The following KLF8 variants were observed in gnomAD, a reference collection of about 807,000 sequenced individuals.
The protein encoded by KLF8 is KLF transcription factor 8.
In KLF8, 10 loss-of-function variants were observed where a neutral mutation model predicts 18.2. The observed-to-expected ratio is 0.55, with a 90% CI of 0.34 to 0.93. The LOEUF is 0.93. Among genes scored for constraint, KLF8 ranks in the 40% least tolerant of loss-of-function variants. The pLI is 0.02. For synonymous variants in KLF8, 109 were observed against 97.3 expected (o/e 1.12, Z -0.71); for missense variants, 264 against 277.9 (o/e 0.95, Z 0.36).
At chrX:56,018,849 G>T in the KLF8 span, among the ~76,000 whole-genome samples, 365 of 110,672 alleles carry the variant, frequency 3.3e-3, 4 homozygotes, top group African/African-American at 0.012. Context: ...GAAGGAGAGG[G>T]ATGTGTGTGT....
At chrX:56,052,643 G>T in the KLF8 span, among the ~76,000 whole-genome samples, 3 of 111,892 alleles carry the variant, frequency 2.7e-5, no homozygotes, top group African/African-American at 9.7e-5. Flanking sequence ...CTCCAGCTGC[G>T]TGCTGGGAGA....
the KLF8 span, among the ~76,000 whole-genome samples, chrX:56,012,689 G>GA: frequency 9.0e-6 from 1 of 111,083 alleles, no homozygotes; most frequent in Non-Finnish European, 1.9e-5. Flanking sequence ...CCTATATCTT[G>GA]AAAACCCCAT....
the KLF8 span, among the ~76,000 whole-genome samples, chrX:55,972,754 T>C: frequency 2.0e-4 from 22 of 111,815 alleles, no homozygotes; most frequent in African/African-American, 6.8e-4. Flanking sequence ...TACTCATGGA[T>C]AGGAAAAATC....
chrX:55,967,844 G>T, the KLF8 span, among the ~76,000 whole-genome samples: 2 of 111,487 alleles, frequency 1.8e-5, no homozygotes, highest in Non-Finnish European at 3.8e-5. Context: ...AGATATAAAT[G>T]GAAACAAACC....
the KLF8 span, among the ~76,000 whole-genome samples, chrX:55,958,440 T>A: frequency 5.4e-5 from 6 of 112,109 alleles, no homozygotes; most frequent in African/African-American, 1.9e-4. Context: ...AGAAGGACTC[T>A]CAGGCTGTGA....
chrX:56,064,509 A>G, the KLF8 span, among the ~76,000 whole-genome samples: 1 of 111,330 alleles, frequency 9.0e-6, no homozygotes, highest in African/African-American at 3.3e-5. Flanking sequence ...ACCTGCTTAC[A>G]TTCAAGCTTA....
chrX:56,284,676 T>C lies in KLF8; in HGVS notation c.*182T>C. 1 of 341,903 alleles carries C rather than the reference T, an allele frequency of 2.9e-6. No individual in the cohort carries two copies. The highest frequency in any genetic ancestry group is 4.9e-6 in the Non-Finnish European group (1 of 202,354). 28.2% of individuals were successfully genotyped at this position (341,903 alleles called of 1,213,427 possible). A position where few individuals can be genotyped will look rare whatever the true frequency, so the allele number is the denominator to read the frequency against. ...CCCGTGGGGCTCTTCATATTCTACC[T>C]TCACTTCTCCACTGTCCAGACCCGT... On this transcript the variant is annotated 3_prime_UTR_variant, in exon 6 of 6. Coordinates refer to ENST00000468660, the MANE Select transcript of KLF8 (RefSeq NM_007250.5).
the KLF8 span, among the ~76,000 whole-genome samples, chrX:55,993,244 A>G: frequency 9.0e-6 from 1 of 111,058 alleles, no homozygotes; most frequent in Non-Finnish European, 1.9e-5. Context: ...TTTTCCATAG[A>G]TTGCTGTTAT....
At chrX:56,089,898 G>A in the KLF8 span, among the ~76,000 whole-genome samples, 3 of 112,208 alleles carry the variant, frequency 2.7e-5, no homozygotes, top group Middle Eastern at 4.6e-3. Context: ...GCAAGTGGAA[G>A]GGAAAAATAA....
intron 2 of KLF8, among the ~76,000 whole-genome samples, chrX:56,251,461 A>T (rs2066710874): frequency 1.8e-5 from 2 of 109,028 alleles, no homozygotes; most frequent in African/African-American, 6.7e-5. Flanking sequence ...ATATTTATTT[A>T]TTTATTTATT....
At chrX:56,080,058 G>T in the KLF8 span, among the ~76,000 whole-genome samples, 1 of 110,279 alleles carries the variant, frequency 9.1e-6, no homozygotes, top group African/African-American at 3.3e-5. Flanking sequence ...ATGTGAGATG[G>T]GTTTCCTGAA....
At chrX:56,175,901 T>C in the KLF8 span, among the ~76,000 whole-genome samples, 1 of 111,542 alleles carries the variant, frequency 9.0e-6, no homozygotes, top group Non-Finnish European at 1.9e-5. Context: ...GTTTGTTTTA[T>C]CAGAGACTGG....
At chrX:56,137,382 T>G in the KLF8 span, among the ~76,000 whole-genome samples, 1 of 105,408 alleles carries the variant, frequency 9.5e-6, no homozygotes, top group Non-Finnish European at 1.9e-5. Flanking sequence ...TAGACTGGAT[T>G]AAGAAAATGT....
the KLF8 span, among the ~76,000 whole-genome samples, chrX:56,017,243 G>A: frequency 1.8e-5 from 2 of 112,148 alleles, no homozygotes; most frequent in Non-Finnish European, 3.8e-5. Flanking sequence ...AAACTTGTAG[G>A]CATGCCATTG....
At chrX:56,179,042 G>A in the KLF8 span, among the ~76,000 whole-genome samples, 1 of 111,915 alleles carries the variant, frequency 8.9e-6, no homozygotes, top group Non-Finnish European at 1.9e-5. Context: ...TAGCTTGATG[G>A]GGATGGCATT....
At chrX:56,033,778 TC>T in the KLF8 span, among the ~76,000 whole-genome samples, 1 of 112,446 alleles carries the variant, frequency 8.9e-6, no homozygotes, top group African/African-American at 3.2e-5. Flanking sequence ...AACATTTTTT[TC>T]ATGTACCTGT....
chrX:56,181,750 G>T, the KLF8 span, among the ~76,000 whole-genome samples: 1 of 110,126 alleles, frequency 9.1e-6, no homozygotes, highest in East Asian at 2.8e-4. Context: ...ATGAAATTCT[G>T]GGTTGAAAAT....
chrX:56,136,095 A>G, the KLF8 span, among the ~76,000 whole-genome samples: 1 of 111,318 alleles, frequency 9.0e-6, no homozygotes, highest in African/African-American at 3.3e-5. Context: ...TCAAGGAAAT[A>G]AAAGAGGATA....
At chrX:55,930,222 C>T in the KLF8 span, among the ~76,000 whole-genome samples, 1 of 111,833 alleles carries the variant, frequency 8.9e-6, no homozygotes. Context: ...GTGATTTTTG[C>T]ACATTGATTT....
Sources: gnomAD v4.1 joint callset for allele counts (sites outside exome capture counted in the v4.1 genomes callset) on GRCh38, gnomAD v4.1.1 for gene constraint, MANE v1.5 for transcripts, NCBI Gene and HGNC (gene_info 2026-07-23, HGNC 2026-07-21) for gene names.